SAMSN1: variants seen among roughly 807,000 people sequenced by gnomAD.
The protein encoded by SAMSN1 is SAM domain-containing protein SAMSN-1.
In SAMSN1, 31 loss-of-function variants were observed where a neutral mutation model predicts 42.0. The ratio of observed to expected loss-of-function variants is 0.74; its 90% CI spans 0.55 to 1.00. The LOEUF (loss-of-function observed/expected upper bound fraction) is 1.00, where lower values mean the gene tolerates loss of function less well. Ranked by LOEUF, SAMSN1 falls within the 50% of genes least tolerant of loss-of-function variation. The pLI, the probability that SAMSN1 is intolerant of heterozygous loss-of-function variation, is 0.00. For synonymous variants in SAMSN1, 178 were observed against 151.9 expected (o/e 1.17, Z -1.26); for missense variants, 464 against 439.4 (o/e 1.06, Z -0.50).
intron 1 of SAMSN1, among the ~76,000 whole-genome samples, chr21:14,647,760 A>C (rs1983746244): frequency 7.5e-6 from 1 of 132,852 alleles, no homozygotes; most frequent in Non-Finnish European, 1.6e-5. Flanking sequence ...TGTGAATGGG[A>C]GTTCACTCAT....
intron 5 of SAMSN1, chr21:14,609,401 G>A (rs1982646702): frequency 1.4e-6 from 1 of 705,656 alleles, no homozygotes; most frequent in South Asian, 1.5e-5. Context: ...TTTTCATGGT[G>A]GAAGATGTGA....
upstream of SAMSN1, among the ~76,000 whole-genome samples, chr21:14,586,633 G>A (rs1981927170): frequency 6.6e-6 from 1 of 152,142 alleles, no homozygotes; most frequent in Admixed American, 6.5e-5. Context: ...ATAAGAATGT[G>A]ACATAAGAAA....
chr21:14,492,877 G>T (rs550223396), intron 7 of SAMSN1, among the ~76,000 whole-genome samples: 2 of 152,302 alleles, frequency 1.3e-5, no homozygotes, highest in South Asian at 4.1e-4. Context: ...TACTTTGTGT[G>T]GACAGGTAGC....
intron 6 of SAMSN1, 104 bp from the exon 7 acceptor site, chr21:14,498,696 G>C (rs1014530591): frequency 3.5e-5 from 30 of 845,502 alleles, no homozygotes; most frequent in Non-Finnish European, 5.0e-5. Flanking sequence ...GGGACCAAAG[G>C]TGCCAATAGA....
At chr21:14,602,593 A>C (rs180804161) in intron 5 of SAMSN1, among the ~76,000 whole-genome samples, 46 of 152,338 alleles carry the variant, frequency 3.0e-4, no homozygotes, top group African/African-American at 9.1e-4. Context: ...ATTTGCTTGC[A>C]GCTAAATGAA....
At chr21:14,499,702 T>A (rs1280019375) in intron 6 of SAMSN1, among the ~76,000 whole-genome samples, 1 of 152,112 alleles carries the variant, frequency 6.6e-6, no homozygotes, top group East Asian at 1.9e-4. Flanking sequence ...AGAGGCAAGA[T>A]GCTAACCCGT....
At chr21:14,540,551 A>G (rs1019686010) in intron 1 of SAMSN1, among the ~76,000 whole-genome samples, 5 of 152,226 alleles carry the variant, frequency 3.3e-5, no homozygotes, top group Admixed American at 6.5e-5. Context: ...ATCACTGGCC[A>G]TCAGAGAAAT....
At chr21:14,511,505 T>C (rs1397867843) in intron 4 of SAMSN1, among the ~76,000 whole-genome samples, 1 of 152,230 alleles carries the variant, frequency 6.6e-6, no homozygotes, top group Non-Finnish European at 1.5e-5. Flanking sequence ...TGTTAGCTTT[T>C]GTCACAAAAT....
At chr21:14,546,695 G>A (rs1266704251), upstream of SAMSN1, among the ~76,000 whole-genome samples, 1 of 150,966 alleles carries the variant, frequency 6.6e-6, no homozygotes, top group Admixed American at 6.6e-5. Context: ...AATACTCAAG[G>A]TAGTCAATTT....
At chr21:14,598,303 T>C (rs929910908) in intron 6 of SAMSN1, 1 of 152,146 alleles carries the variant, frequency 6.6e-6, no homozygotes, top group Admixed American at 6.6e-5. Context: ...CTTTTGAAAA[T>C]ATATTAGCCC....
At chr21:14,543,691 T>C (rs1980190943) in intron 1 of SAMSN1, among the ~76,000 whole-genome samples, 1 of 152,154 alleles carries the variant, frequency 6.6e-6, no homozygotes, top group Non-Finnish European at 1.5e-5. Flanking sequence ...CCAATGACAG[T>C]TAACAAAAGC....
chr21:14,520,050 C>A (rs1021386613), intron 2 of SAMSN1, among the ~76,000 whole-genome samples: 1 of 152,126 alleles, frequency 6.6e-6, no homozygotes, highest in Non-Finnish European at 1.5e-5. Context: ...ACTAATAGTT[C>A]CTATGTTATA....
At chr21:14,589,490 A>T (rs909163681) in intron 7 of SAMSN1, among the ~76,000 whole-genome samples, 11 of 152,078 alleles carry the variant, frequency 7.2e-5, no homozygotes, top group Non-Finnish European at 1.6e-4. Flanking sequence ...AGTATCAGGT[A>T]CTTTCAGATT....
At chr21:14,624,116 C>A (rs1983097299) in intron 2 of SAMSN1, among the ~76,000 whole-genome samples, 1 of 152,178 alleles carries the variant, frequency 6.6e-6, no homozygotes, top group South Asian at 2.1e-4. Context: ...CTCTGGGACA[C>A]ATTTAAAGAA....
At chr21:14,502,230 G>A (rs1454687306) in intron 5 of SAMSN1, among the ~76,000 whole-genome samples, 2 of 149,490 alleles carry the variant, frequency 1.3e-5, no homozygotes, top group Non-Finnish European at 2.9e-5. Context: ...GTGATCATCT[G>A]TCTGTCTAGT....
intron 7 of SAMSN1, among the ~76,000 whole-genome samples, chr21:14,497,917 A>G (rs186699310): frequency 6.6e-6 from 1 of 152,360 alleles, no homozygotes; most frequent in Non-Finnish European, 1.5e-5. Flanking sequence ...AATACAGAGA[A>G]CCATCTCAGA....
intron 5 of SAMSN1, among the ~76,000 whole-genome samples, chr21:14,501,902 G>C (rs930401580): frequency 7.2e-5 from 11 of 152,124 alleles, no homozygotes; most frequent in African/African-American, 2.4e-4. Context: ...ACTATAGGCT[G>C]CCAGTTATTG....
chr21:14,600,526 G>A (rs899683610), intron 6 of SAMSN1, among the ~76,000 whole-genome samples: 4 of 152,122 alleles, frequency 2.6e-5, no homozygotes, highest in African/African-American at 7.2e-5. Context: ...GTTACCATTT[G>A]GAAGCACCAT....
At position 14,539,466 on chromosome 21, in the gene SAMSN1, T is replaced by C. The variant is rs546734614; in HGVS notation, c.57+6739A>G. Among the ~76,000 whole-genome samples the C allele has an allele frequency of 2.0e-5, 3 of 152,254 alleles. No individual in the cohort carries two copies. In the South Asian group the frequency reaches 6.2e-4, roughly 32 times the overall value. On this transcript the variant is annotated intron_variant, in intron 1 of 7. Transcript: ENST00000400566. ...AAAGTCTCAGGATACAAAATCAGTGTGCGAAAATCACAAGCATTCTTACAC... is the reference window on the plus strand; with the variant it reads ...AAAGTCTCAGGATACAAAATCAGTGCGCGAAAATCACAAGCATTCTTACAC...
Sources: allele counts gnomAD v4.1 joint callset (sites outside exome capture counted in the v4.1 genomes callset), GRCh38; gene constraint gnomAD v4.1.1; transcripts MANE v1.5; gene names NCBI Gene and HGNC (gene_info 2026-07-23, HGNC 2026-07-21).